The following SH3RF3 variants were observed in gnomAD, a reference collection of about 807,000 sequenced individuals.
The protein encoded by SH3RF3 is SH3 domain containing ring finger 3, also known as E3 ubiquitin-protein ligase SH3RF3.
A neutral mutation model predicts 66.3 loss-of-function variants in SH3RF3; 29 were observed. The ratio of observed to expected loss-of-function variants is 0.44; its 90% CI spans 0.33 to 0.60. The LOEUF (loss-of-function observed/expected upper bound fraction) is 0.60, where lower values mean the gene tolerates loss of function less well. SH3RF3 is among the 20% of genes least tolerant of loss of function. The pLI is 0.04. For missense variants in SH3RF3, 1,194 were observed against 1,190.9 expected (o/e 1.00, Z -0.04); for synonymous variants, 583 against 532.0 (o/e 1.10, Z -1.32).
At chr2:109,442,310 C>CAA (rs530557141) in intron 7 of SH3RF3, among the ~76,000 whole-genome samples, 4,053 of 75,788 alleles carry the variant, frequency 0.053, 100 homozygotes, top group Middle Eastern at 0.12. Context: ...GACTCCACCT[C>CAA]AAAAAAAAAA....
At chr2:109,153,113 A>G (rs940438679) in intron 1 of SH3RF3, among the ~76,000 whole-genome samples, 3 of 152,216 alleles carry the variant, frequency 2.0e-5, no homozygotes, top group African/African-American at 7.2e-5. Flanking sequence ...CCCATTCCCA[A>G]TGGAGGGGGA....
rs559647573 is a variant in SH3RF3, at chr2:109,318,461, C to T, written c.574-29213C>T. 3.3e-5 allele frequency among the ~76,000 whole-genome samples: 5 copies of T among 152,312 alleles called. No homozygotes were observed. The East Asian group carries it at 5.8e-4, about 18-fold the overall frequency. On this transcript the variant is annotated intron_variant, in intron 1 of 9. Transcript: ENST00000309415. ...CTCCTCTCAAAGCCAGGGTGGCTCTCGGCATACGCGTTTATCTGAGTGACT... is the reference window on the plus strand; with the variant it reads ...CTCCTCTCAAAGCCAGGGTGGCTCTTGGCATACGCGTTTATCTGAGTGACT...
chr2:109,219,082 A>G (rs2105139258), intron 1 of SH3RF3, among the ~76,000 whole-genome samples: 1 of 152,264 alleles, frequency 6.6e-6, no homozygotes, highest in South Asian at 2.1e-4. Flanking sequence ...GATGGTTCCC[A>G]ACTTTCCATC....
intron 7 of SH3RF3, among the ~76,000 whole-genome samples, chr2:109,439,074 C>T (rs191950471): frequency 6.6e-6 from 1 of 152,208 alleles, no homozygotes; most frequent in Non-Finnish European, 1.5e-5. Context: ...GAAACGTTCC[C>T]AATTCAAAGA....
At chr2:109,231,157 C>A (rs910528816) in intron 1 of SH3RF3, among the ~76,000 whole-genome samples, 1 of 152,218 alleles carries the variant, frequency 6.6e-6, no homozygotes, top group Non-Finnish European at 1.5e-5. Flanking sequence ...CCTCTCCTCC[C>A]GGAGCCAGGC....
chr2:109,197,562 AG>A (rs1315826407), intron 1 of SH3RF3, among the ~76,000 whole-genome samples: 3 of 152,034 alleles, frequency 2.0e-5, no homozygotes, highest in Admixed American at 6.5e-5. Context: ...GTGGCCGGGG[AG>A]GGGTGGGAGG....
chr2:109,137,965 G>T (rs1676851957), intron 1 of SH3RF3, among the ~76,000 whole-genome samples: 1 of 152,204 alleles, frequency 6.6e-6, no homozygotes, highest in African/African-American at 2.4e-5. Context: ...TGCCTGTGTG[G>T]AGTGCCTTTA....
intron 1 of SH3RF3, among the ~76,000 whole-genome samples, chr2:109,228,935 C>G (rs1679435205): frequency 6.6e-6 from 1 of 152,286 alleles, no homozygotes; most frequent in Admixed American, 6.5e-5. Context: ...GGGTATGGAG[C>G]TGAAAACTCC....
Position 109,449,290 on chromosome 2 carries a change from C to T in SH3RF3, c.1949C>T (p.Pro650Leu), listed in dbSNP as rs776110511. The T allele has an allele frequency of 7.8e-5, 125 of 1,609,056 alleles. 1 individual carries two copies. The highest frequency in any genetic ancestry group is 3.3e-4 in the Middle Eastern group (2 of 6,062). The change falls in exon 8 of 10, where the codon CCG (proline) becomes CTG (leucine). Residue 650 changes from proline (P) to leucine (L), a missense_variant. Pro to Leu is a moderately conservative substitution (Grantham distance 98). Transcript: ENST00000309415. ...CTCAGGCCCCACTCGGTGGTGTCCCCGCAGCACAGCCACCAGCCCCCGGTG... is the reference window on the plus strand; with the variant it reads ...CTCAGGCCCCACTCGGTGGTGTCCCTGCAGCACAGCCACCAGCCCCCGGTG... Reference protein sequence around the residue: ...TSLRPHSVVSPQHSHQPPVQM... With the variant: ...TSLRPHSVVSLQHSHQPPVQM...
chr2:109,155,995 G>T (rs1219449843), intron 1 of SH3RF3, among the ~76,000 whole-genome samples: 1 of 152,204 alleles, frequency 6.6e-6, no homozygotes, highest in East Asian at 1.9e-4. Context: ...GATTCTCTGG[G>T]GCCCCAGAGC....
intron 8 of SH3RF3, among the ~76,000 whole-genome samples, chr2:109,478,815 G>T (rs143282131): frequency 6.6e-6 from 1 of 152,146 alleles, no homozygotes; most frequent in Non-Finnish European, 1.5e-5. Flanking sequence ...AATGAAACCC[G>T]CTCCAGTTAC....
chr2:109,489,109 T>A (rs540721560), intron 8 of SH3RF3, among the ~76,000 whole-genome samples: 1 of 152,294 alleles, frequency 6.6e-6, no homozygotes, highest in African/African-American at 2.4e-5. Flanking sequence ...AGTTGGAGGC[T>A]GGGATCCACA....
chr2:109,483,071 C>G (rs770249836), intron 8 of SH3RF3, among the ~76,000 whole-genome samples: 2 of 152,116 alleles, frequency 1.3e-5, no homozygotes, highest in East Asian at 3.9e-4. Flanking sequence ...TCTAAAAATG[C>G]GTTGCATATT....
At chr2:109,469,743 T>C (rs1678453610) in intron 8 of SH3RF3, among the ~76,000 whole-genome samples, 1 of 152,170 alleles carries the variant, frequency 6.6e-6, no homozygotes, top group South Asian at 2.1e-4. Context: ...CCATTATGTT[T>C]TTGCTGAACA....
chr2:109,348,833 C>G (rs1682779409), intron 2 of SH3RF3, among the ~76,000 whole-genome samples: 1 of 152,144 alleles, frequency 6.6e-6, no homozygotes, highest in Non-Finnish European at 1.5e-5. Context: ...CCGCCGCCCC[C>G]AGATGTAAAT....
At chr2:109,361,696 G>A (rs1236492715) in intron 2 of SH3RF3, among the ~76,000 whole-genome samples, 2 of 152,044 alleles carry the variant, frequency 1.3e-5, no homozygotes, top group East Asian at 1.9e-4. Flanking sequence ...GGCTGGTCTT[G>A]AACTCCTGAC....
At chr2:109,369,877 G>T (rs1312858506) in intron 2 of SH3RF3, among the ~76,000 whole-genome samples, 1 of 152,194 alleles carries the variant, frequency 6.6e-6, no homozygotes. Flanking sequence ...CCCAAAAGAG[G>T]CCTGTAAGTC....
At chr2:109,251,239 G>T (rs962174935) in intron 1 of SH3RF3, among the ~76,000 whole-genome samples, 1 of 152,046 alleles carries the variant, frequency 6.6e-6, no homozygotes, top group Non-Finnish European at 1.5e-5. Flanking sequence ...CTTACCTTGG[G>T]TTATCCACCC....
chr2:109,367,883 G>A (rs1683180980), intron 2 of SH3RF3, among the ~76,000 whole-genome samples: 1 of 152,130 alleles, frequency 6.6e-6, no homozygotes, highest in Admixed American at 6.5e-5. Flanking sequence ...AGGAATCACC[G>A]AACTGCCTGC....
Sources: gnomAD v4.1 joint callset for allele counts (sites outside exome capture counted in the v4.1 genomes callset) on GRCh38, gnomAD v4.1.1 for gene constraint, MANE v1.5 for transcripts, NCBI Gene and HGNC (gene_info 2026-07-23, HGNC 2026-07-21) for gene names.